EMILIN2: variants seen among roughly 807,000 people sequenced by gnomAD.
EMILIN2 encodes elastin microfibril interfacer 2.
EMILIN2 carries 71 observed loss-of-function variants against 87.1 expected under a neutral mutation model. The observed-to-expected ratio is 0.82, with a 90% CI of 0.67 to 0.99. EMILIN2 has a LOEUF of 0.99. Ranked by LOEUF, EMILIN2 falls within the 50% of genes least tolerant of loss-of-function variation. The pLI is 0.00. For missense variants in EMILIN2, 1,407 were observed against 1,371.8 expected, an observed-to-expected ratio of 1.03 and a Z score of -0.40; for synonymous variants, 581 against 563.4, an observed-to-expected ratio of 1.03 and a Z score of -0.44.
rs771253553 is a variant in EMILIN2 at position 2,906,961 on chromosome 18, G to C, written c.2538G>C (p.Ala846=). The C allele has an allele frequency of 7.1e-7, 1 of 1,404,786 alleles. No homozygotes were observed. The highest frequency in any genetic ancestry group is 9.3e-7 in the Non-Finnish European group (1 of 1,077,802). 87.0% of individuals were successfully genotyped at this position (1,404,786 alleles called of 1,614,324 possible). A position where few individuals can be genotyped will look rare whatever the true frequency, so the allele number is the denominator to read the frequency against. ...PQPPGSTGVI[A]ETGQAGPPAG... ...CGCCAGGCTCCACCGGGGTCATCGC[G>C]GAGACGGGCCAGGCCGGGCCCCCCG... Residue 846 remains alanine, a synonymous_variant, in exon 5 of 8, where the codon GCG becomes GCC. Transcript: ENST00000254528.
chr18:2,851,563 G>C (rs929641492), intron 2 of EMILIN2, among the ~76,000 whole-genome samples: 2 of 152,206 alleles, frequency 1.3e-5, no homozygotes, highest in Non-Finnish European at 2.9e-5. Flanking sequence ...TTAAATAACA[G>C]GAGGAGGGCT....
intron 2 of EMILIN2, among the ~76,000 whole-genome samples, chr18:2,865,663 C>T (rs2076682939): frequency 6.6e-6 from 1 of 152,206 alleles, no homozygotes; most frequent in African/African-American, 2.4e-5. Context: ...GATCAGGGAC[C>T]CACTTGAGGA....
intron 2 of EMILIN2, among the ~76,000 whole-genome samples, chr18:2,883,843 G>A (rs2076789242): frequency 2.0e-5 from 3 of 152,258 alleles, no homozygotes. Context: ...CACAAATAGT[G>A]TGAGCTGCCA....
intron 2 of EMILIN2, among the ~76,000 whole-genome samples, chr18:2,862,905 T>G (rs2076668067): frequency 6.6e-6 from 1 of 152,236 alleles, no homozygotes; most frequent in African/African-American, 2.4e-5. Context: ...CAGAGCCTGT[T>G]ATTGGTCTAT....
intron 7 of EMILIN2, 48 bp from the exon 8 acceptor site, chr18:2,913,019 G>A: frequency 6.3e-7 from 1 of 1,587,952 alleles, no homozygotes; most frequent in Non-Finnish European, 8.6e-7. Context: ...CCATGGCAAG[G>A]GCTGTGACGA....
chr18:2,901,132 A>T (rs2076886526), intron 4 of EMILIN2, among the ~76,000 whole-genome samples: 1 of 152,234 alleles, frequency 6.6e-6, no homozygotes, highest in Admixed American at 6.5e-5. Context: ...CGTTGCATGG[A>T]CAAGGTTTCA....
rs140426206 is a variant in EMILIN2, at chr18:2,891,357, G to C, written c.1230G>C (p.Lys410Asn). 5 of 1,614,108 alleles carry C rather than the reference G, an allele frequency of 3.1e-6. No individual in the cohort carries two copies. Among genetic ancestry groups the C allele is most frequent in the Non-Finnish European group, 4.2e-6 (5 of 1,180,054 alleles). Residue 410 changes from lysine to asparagine, a missense_variant, in exon 4 of 8, where the codon AAG (lysine) becomes AAC (asparagine). Transcript: ENST00000254528. This position sits in a 1 kb window ranked among gnomAD's most constrained non-coding sequence, Gnocchi z 4.6. ...ATGGTGACATTGGTCAACAGATCAA[G>C]ACATTGGACCAGAAAATCGAGAGAG... is the stretch of plus-strand genomic sequence containing the variant. ...EKNGDIGQQI[K>N]TLDQKIERVA...
At chr18:2,867,838 C>A (rs934966366) in intron 2 of EMILIN2, among the ~76,000 whole-genome samples, 1 of 152,266 alleles carries the variant, frequency 6.6e-6, no homozygotes, top group African/African-American at 2.4e-5. Flanking sequence ...CCATTGTCAT[C>A]ATGGCCCGTT....
rs1424663850 is a variant in EMILIN2, at chr18:2,847,913, C to T, written c.239C>T (p.Pro80Leu). 3 of 1,612,204 alleles carry T rather than the reference C, an allele frequency of 1.9e-6. No individual in the cohort carries two copies. The highest frequency in any genetic ancestry group is 1.1e-5 in the South Asian group (1 of 91,034). ...AQYNCAWNQM[P>L]CPSALVYRVN... ...TACAACTGTGCCTGGAACCAGATGCCCTGTCCGTCGGCGCTGGTGTAAGTC... is the reference window on the plus strand; with the variant it reads ...TACAACTGTGCCTGGAACCAGATGCTCTGTCCGTCGGCGCTGGTGTAAGTC... Residue 80 changes from proline (P) to leucine (L), a missense_variant, in exon 2 of 8, where the codon CCC becomes CTC. Coordinates refer to ENST00000254528, the MANE Select transcript of EMILIN2 (RefSeq NM_032048.3). This position sits in a 1 kb window ranked among gnomAD's most constrained non-coding sequence, Gnocchi z 4.5.
In EMILIN2 at chr18:2,907,009, G is replaced by A; in HGVS notation, c.2586G>A (p.Arg862=). 3.7e-6 allele frequency: 5 copies of A among 1,349,338 alleles called. No individual in the cohort carries two copies. The highest frequency in any genetic ancestry group is 4.8e-6 in the Non-Finnish European group (5 of 1,051,698). The allele number at this position is 1,349,338 out of a possible 1,614,324, so 83.6% of individuals were successfully genotyped here. ...GPPAGAGVSG[R]GLPRGVDGQT... is the part of the protein sequence containing the mutation. ...CCGCAGGCGCAGGCGTGTCTGGGCG[G>A]GGTCTGCCGCGGGGCGTGGACGGCC... Residue 862 remains arginine, a synonymous_variant, in exon 5 of 8, where the codon CGG becomes CGA. Coordinates refer to ENST00000254528, the MANE Select transcript of EMILIN2 (RefSeq NM_032048.3).
Position 2,891,135 on chromosome 18 carries a change from G to T in EMILIN2, c.1008G>T (p.Lys336Asn). Residue 336 changes from lysine (K) to asparagine (N), a missense_variant, in exon 4 of 8, where the codon AAG becomes AAT. Coordinates refer to ENST00000254528, the MANE Select transcript of EMILIN2 (RefSeq NM_032048.3). The surrounding 1 kb of genome is among the most constrained non-coding windows in gnomAD (Gnocchi z 4.6). ...AGCTCATGGAGGGCATGGACAGAAA[G>T]CTGGCTGACCTGAAAAACTCATGTG... Reference protein sequence around the residue: ...REELMEGMDRKLADLKNSCEY... With the variant: ...REELMEGMDRNLADLKNSCEY... 5 of 1,614,188 alleles carry T rather than the reference G, an allele frequency of 3.1e-6. No homozygotes were observed. The highest frequency in any genetic ancestry group is 4.2e-6 in the Non-Finnish European group (5 of 1,180,046).
Position 2,869,322 on chromosome 18 carries a change from A to G in EMILIN2, c.258-15642A>G, listed in dbSNP as rs78507835. On this transcript the variant is annotated intron_variant, in intron 2 of 7. Transcript: ENST00000254528. ...AATTGAAGTATAATTTACATGAGTA[A>G]GCCACATATTTGAAGTTGTACAGTT... Among the ~76,000 whole-genome samples the G allele has an allele frequency of 1.1e-3, 172 of 152,316 alleles. 3 individuals are homozygous for G. The East Asian group carries it at 0.029, about 26-fold the overall frequency.
Position 2,891,042 on chromosome 18 carries a change from G to A in EMILIN2, c.915G>A (p.Thr305=), listed in dbSNP as rs114420829. 361 of 1,614,186 alleles carry A rather than the reference G, an allele frequency of 2.2e-4. No individual in the cohort carries two copies. The highest frequency in any genetic ancestry group is 1.3e-3 in the Middle Eastern group (8 of 6,062). Residue 305 remains threonine (T), a synonymous_variant, in exon 4 of 8, where the codon ACG becomes ACA. Coordinates refer to ENST00000254528, the MANE Select transcript of EMILIN2 (RefSeq NM_032048.3). The surrounding 1 kb of genome is among the most constrained non-coding windows in gnomAD (Gnocchi z 4.6). Reference sequence around the variant, plus strand: ...TCCAGGAAGCAGCTCAGGGCCCGACGGTGACCATGACAACCAACGAACTCT... The same window carrying A: ...TCCAGGAAGCAGCTCAGGGCCCGACAGTGACCATGACAACCAACGAACTCT... ...RQLQEAAQGP[T]VTMTTNELYQ...
intron 3 of EMILIN2, 60 bp downstream of exon 3, chr18:2,885,199 A>G (rs1242988310): frequency 3.3e-6 from 5 of 1,494,322 alleles, no homozygotes; most frequent in Non-Finnish European, 4.5e-6. Flanking sequence ...TGCTCCTTCA[A>G]ACAACAGGAT....
At chr18:2,860,720 CA>C (rs1185642050) in intron 2 of EMILIN2, among the ~76,000 whole-genome samples, 1 of 152,164 alleles carries the variant, frequency 6.6e-6, no homozygotes, top group Non-Finnish European at 1.5e-5. Context: ...GTCTTTATAG[CA>C]GCATGATTTA....
In EMILIN2 at chr18:2,891,538, A is replaced by G. The variant is rs755890046; in HGVS notation, c.1411A>G (p.Ile471Val). 1 of 1,614,184 alleles carries G rather than the reference A, an allele frequency of 6.2e-7. No homozygotes were observed. The highest frequency in any genetic ancestry group is 1.1e-5 in the South Asian group (1 of 91,092). Residue 471 changes from isoleucine to valine, a missense_variant, in exon 4 of 8, where the codon ATT becomes GTT. Transcript: ENST00000254528. This position sits in a 1 kb window ranked among gnomAD's most constrained non-coding sequence, Gnocchi z 4.6. ...EKNAEEHCFY[I>V]EETLRGAING... The stretch of plus-strand genomic sequence containing the variant: ...GAACGCTGAAGAACATTGCTTTTAC[A>G]TTGAGGAAACCCTTCGGGGCGCCAT...
intron 7 of EMILIN2, among the ~76,000 whole-genome samples, chr18:2,911,678 T>A (rs1030312609): frequency 6.6e-6 from 1 of 152,252 alleles, no homozygotes; most frequent in Non-Finnish European, 1.5e-5. Flanking sequence ...CAGGTCACTC[T>A]GCACTGCCTT....
chr18:2,905,875 C>A (rs1409794135), intron 4 of EMILIN2, among the ~76,000 whole-genome samples: 2 of 151,646 alleles, frequency 1.3e-5, no homozygotes, highest in Non-Finnish European at 2.9e-5. Flanking sequence ...CCGGCCGCGT[C>A]GGCCTCCCAA....
rs1393828444 is a variant in EMILIN2, at chr18:2,891,860, A to G, written c.1733A>G (p.Asp578Gly). The G allele has an allele frequency of 1.2e-6, 2 of 1,614,278 alleles. No individual in the cohort carries two copies. Among genetic ancestry groups the G allele is most frequent in the Non-Finnish European group, 1.7e-6 (2 of 1,180,050 alleles). ...AACAGGGAAGACCGCGCAGTACGCG[A>G]CAGCCTGCACCTTTTGAAATCTCTC... Reference protein sequence around the residue: ...LPNREDRAVRDSLHLLKSLND... With the variant: ...LPNREDRAVRGSLHLLKSLND... Residue 578 changes from aspartate to glycine, a missense_variant, in exon 4 of 8, where the codon GAC becomes GGC. Asp to Gly is a moderately conservative substitution (Grantham distance 94). Coordinates refer to ENST00000254528, the MANE Select transcript of EMILIN2 (RefSeq NM_032048.3). The surrounding 1 kb of genome is among the most constrained non-coding windows in gnomAD (Gnocchi z 4.6).
Sources: gnomAD v4.1 joint callset for allele counts (sites outside exome capture counted in the v4.1 genomes callset) on GRCh38, gnomAD v4.1.1 for gene constraint, Gnocchi (gnomAD v3.1) non-coding constraint, MANE v1.5 for transcripts, NCBI Gene and HGNC (gene_info 2026-07-23, HGNC 2026-07-21) for gene names.